Variants in SLC6A13 observed in about 807,000 individuals in gnomAD.
The protein encoded by SLC6A13 is solute carrier family 6 member 13, also known as sodium- and chloride-dependent GABA transporter 2.
SLC6A13 carries 69 observed loss-of-function variants against 72.9 expected under a neutral mutation model. The observed-to-expected ratio is 0.95, with a 90% CI of 0.78 to 1.16. The LOEUF is 1.16. Among genes scored for constraint, SLC6A13 ranks in the 50% most tolerant of loss-of-function variants. The probability of loss-of-function intolerance (pLI) is 0.00; values close to 1 mark genes in which losing one functional copy is unlikely to be tolerated. For missense variants in SLC6A13, 735 were observed against 760.5 expected (o/e 0.97, Z 0.39); for synonymous variants, 303 against 303.0 (o/e 1.00, Z 0.00).
chr12:259,854 C>G lies in SLC6A13; in HGVS notation c.199G>C (p.Gly67Arg), dbSNP rs1358037747. Residue 67 changes from glycine (G) to arginine (R), a missense_variant, in exon 2 of 15, where the codon GGA (glycine) becomes CGA (arginine). Transcript: ENST00000343164. ...RFPYLCYKNG[G>R]GAFFIPYLVF... ...GGCACAAGGGCTCTCATCTCACCTC[C>G]CCCATTTTTGTAGCAGAGATAGGGA... 1.2e-6 allele frequency: 2 copies of G among 1,614,206 alleles called. No individual in the cohort carries two copies. The highest frequency in any genetic ancestry group is 1.3e-5 in the African/African-American group (1 of 75,036).
At chr12:247,311 T>C (rs1942390591) in intron 2 of SLC6A13, among the ~76,000 whole-genome samples, 1 of 150,216 alleles carries the variant, frequency 6.7e-6, no homozygotes, top group African/African-American at 2.5e-5. Context: ...AATATGGAGC[T>C]TTTAAGAGAA....
chr12:239,075 C>T (rs1003452), intron 4 of SLC6A13, among the ~76,000 whole-genome samples: 96,732 of 144,916 alleles, frequency 0.67, 34,198 homozygotes, highest in Non-Finnish European at 0.8. Flanking sequence ...TGCTCTACCA[C>T]GTCCACCCTG....
At chr12:247,460 G>A (rs1045042588) in intron 2 of SLC6A13, among the ~76,000 whole-genome samples, 4 of 152,142 alleles carry the variant, frequency 2.6e-5, no homozygotes, top group Admixed American at 2.0e-4. Flanking sequence ...AAGGAGGAGG[G>A]AGAAAGCTGT....
At chr12:247,499 T>TGA (rs1184549468) in intron 2 of SLC6A13, among the ~76,000 whole-genome samples, 1 of 152,228 alleles carries the variant, frequency 6.6e-6, no homozygotes, top group East Asian at 1.9e-4. Context: ...CCAGCAATAA[T>TGA]ACTGTTCAAA....
At position 223,064 on chromosome 12, in the gene SLC6A13, C is replaced by T. The variant is rs535825680; in HGVS notation, c.1414+68G>A. On this transcript the variant is annotated intron_variant, in intron 12 of 14. Coordinates refer to ENST00000343164, the MANE Select transcript of SLC6A13 (RefSeq NM_016615.5). Reference sequence around the variant, plus strand: ...AAGTGCGAGCAGTAGATGTCTGTTTCGTGTCTAAGGACCCCAAGACCCTTA... The same window carrying T: ...AAGTGCGAGCAGTAGATGTCTGTTTTGTGTCTAAGGACCCCAAGACCCTTA... 164 of 953,772 alleles carry T rather than the reference C, an allele frequency of 1.7e-4. No individual in the cohort carries two copies. In the East Asian group the frequency reaches 1.9e-3, roughly 11 times the overall value. The allele number at this position is 953,772 out of a possible 1,614,324, so 59.1% of individuals were successfully genotyped here.
At chr12:221,605 C>T in intron 13 of SLC6A13, 59 bp from the exon 14 acceptor site, 1 of 1,137,196 alleles carries the variant, frequency 8.8e-7, no homozygotes, top group Admixed American at 2.2e-5. Flanking sequence ...GCCCTCAGCT[C>T]CCCCGCTCCC....
chr12:249,123 A>G (rs1942453954), intron 2 of SLC6A13, among the ~76,000 whole-genome samples: 1 of 152,214 alleles, frequency 6.6e-6, no homozygotes, highest in Non-Finnish European at 1.5e-5. Flanking sequence ...CATACTGCTA[A>G]AGCAGTACCT....
At chr12:242,134 G>A (rs866320040) in intron 4 of SLC6A13, among the ~76,000 whole-genome samples, 1 of 152,144 alleles carries the variant, frequency 6.6e-6, no homozygotes, top group African/African-American at 2.4e-5. Flanking sequence ...TAAGCGACAC[G>A]TGACTGTAAC....
At chr12:224,973 A>G (rs1392559461) in intron 9 of SLC6A13, among the ~76,000 whole-genome samples, 1 of 152,208 alleles carries the variant, frequency 6.6e-6, no homozygotes, top group Non-Finnish European at 1.5e-5. Flanking sequence ...CGGAATGTAG[A>G]TGGTACCAAA....
chr12:237,069 G>A (rs12579445), intron 6 of SLC6A13, 89 bp downstream of exon 6: 134,515 of 1,446,298 alleles, frequency 0.093, 6,805 homozygotes, highest in Non-Finnish European at 0.1. Context: ...CATCCTCAAC[G>A]GGGCCACAGC....
intron 3 of SLC6A13, among the ~76,000 whole-genome samples, chr12:242,964 T>C (rs1050633443): frequency 2.6e-5 from 4 of 152,022 alleles, no homozygotes; most frequent in Non-Finnish European, 5.9e-5. Context: ...TATGGAGAAA[T>C]AATGAAATTA....
chr12:223,174 A>G lies in SLC6A13; in HGVS notation c.1372T>C (p.Phe458Leu). 3 of 1,613,996 alleles carry G rather than the reference A, an allele frequency of 1.9e-6. No homozygotes were observed. Among genetic ancestry groups the G allele is most frequent in the Non-Finnish European group, 2.5e-6 (3 of 1,179,844 alleles). The change falls in exon 12 of 15, where the codon TTC (phenylalanine) becomes CTC (leucine). Residue 458 changes from phenylalanine to leucine, a missense_variant. Coordinates refer to ENST00000343164, the MANE Select transcript of SLC6A13 (RefSeq NM_016615.5). ...CAGAGGGACTCGAAGATGGCCACGA[A>G]CAGGAGGCACATGCCACTGGCCGCA... ...YYAASGMCLL[F>L]VAIFESLCVA...
rs866691925 is a variant in SLC6A13, at chr12:221,431, C to T, written c.1631G>A (p.Cys544Tyr). ...TCTGTAGAGGCTCCAGGCAGGAATGCAGACCATGGAGGACAGAGCCAGGAG... is the reference window on the plus strand; with the variant it reads ...TCTGTAGAGGCTCCAGGCAGGAATGTAGACCATGGAGGACAGAGCCAGGAG... ...GWLLALSSMV[C>Y]IPAWSLYRLG... Residue 544 changes from cysteine (C) to tyrosine (Y), a missense_variant, in exon 14 of 15, where the codon TGC becomes TAC. Coordinates refer to ENST00000343164, the MANE Select transcript of SLC6A13 (RefSeq NM_016615.5). 15 of 1,613,370 alleles carry T rather than the reference C, an allele frequency of 9.3e-6. No homozygotes were observed. Among genetic ancestry groups the T allele is most frequent in the Admixed American group, 1.7e-5 (1 of 59,862 alleles).
At chr12:247,239 A>T (rs1347527067) in intron 2 of SLC6A13, among the ~76,000 whole-genome samples, 2 of 151,890 alleles carry the variant, frequency 1.3e-5, no homozygotes, top group African/African-American at 4.8e-5. Context: ...AAACACCAAG[A>T]TTAAAAAAAA....
chr12:238,226 G>T, intron 4 of SLC6A13: 1 of 1,518,572 alleles, frequency 6.6e-7, no homozygotes, highest in Non-Finnish European at 8.8e-7. Context: ...GTACATAGAT[G>T]CTTGGGTATA....
intron 8 of SLC6A13, 126 bp from the exon 9 acceptor site, chr12:226,640 G>A (rs1033796957): frequency 9.9e-6 from 12 of 1,215,496 alleles, no homozygotes; most frequent in East Asian, 2.7e-5. Context: ...CACGGACGCC[G>A]GAGCAGGGCT....
chr12:262,221 G>A (rs1369712103), intron 1 of SLC6A13, among the ~76,000 whole-genome samples: 1 of 152,140 alleles, frequency 6.6e-6, no homozygotes, highest in Non-Finnish European at 1.5e-5. Flanking sequence ...GCTTCTCAGA[G>A]GTAGCATGTT....
chr12:221,601 AGCTCCCCC>A, intron 13 of SLC6A13, 55 bp from the exon 14 acceptor site: 1 of 1,200,500 alleles, frequency 8.3e-7, no homozygotes, highest in Non-Finnish European at 1.2e-6. Context: ...TTGTGCCCTC[AGCTCCCCC>A]GCTCCCCAGC....
At position 221,299 on chromosome 12, in the gene SLC6A13, T is replaced by C. The variant is rs569747950; in HGVS notation, c.1686+77A>G. On this transcript the variant is annotated intron_variant, in intron 14 of 14. Transcript: ENST00000343164. Reference sequence around the variant, plus strand: ...CACCTCCACACAACGGTGTGCGCCCTGGCTGGCAGCCCACCTGTCGGCACC... The same window carrying C: ...CACCTCCACACAACGGTGTGCGCCCCGGCTGGCAGCCCACCTGTCGGCACC... 5.8e-5 allele frequency: 84 copies of C among 1,444,760 alleles called. No homozygotes were observed. The Middle Eastern group carries it at 1.2e-3, about 20-fold the overall frequency. The allele number at this position is 1,444,760 out of a possible 1,614,324, so 89.5% of individuals were successfully genotyped here. A position where few individuals can be genotyped will look rare whatever the true frequency, so the allele number is the denominator to read the frequency against.
Sources: gnomAD v4.1 joint callset for allele counts (sites outside exome capture counted in the v4.1 genomes callset) on GRCh38, gnomAD v4.1.1 for gene constraint, MANE v1.5 for transcripts, NCBI Gene and HGNC (gene_info 2026-07-23, HGNC 2026-07-21) for gene names.